Variants in STXBP5L observed in about 807,000 individuals in gnomAD.
STXBP5L encodes syntaxin binding protein 5L.
Under a neutral mutation model 144.5 loss-of-function variants are expected in STXBP5L, and 65 were observed. The observed-to-expected ratio is 0.45, with a 90% CI of 0.37 to 0.55. The LOEUF (loss-of-function observed/expected upper bound fraction) is 0.55, where lower values mean the gene tolerates loss of function less well. Ranked by LOEUF, STXBP5L falls within the 20% of genes least tolerant of loss-of-function variation. STXBP5L has a pLI of 0.00. For synonymous variants in STXBP5L, 505 were observed against 469.6 expected (o/e 1.08, Z -0.97); for missense variants, 1,298 against 1,405.5 (o/e 0.92, Z 1.22).
chr3:121,404,340 C>T (rs1009828818), intron 22 of STXBP5L, among the ~76,000 whole-genome samples: 11 of 152,124 alleles, frequency 7.2e-5, no homozygotes, highest in Non-Finnish European at 1.3e-4. Context: ...TGTACTATTA[C>T]CACACAGTTC....
intron 19 of STXBP5L, among the ~76,000 whole-genome samples, chr3:121,290,800 G>T (rs185871678): frequency 6.6e-6 from 1 of 151,376 alleles, no homozygotes; most frequent in Non-Finnish European, 1.5e-5. Flanking sequence ...ATTTAAAATC[G>T]TATGATCATC....
chr3:121,303,483 A>T (rs951333253), intron 19 of STXBP5L, among the ~76,000 whole-genome samples: 43 of 152,204 alleles, frequency 2.8e-4, no homozygotes, highest in African/African-American at 8.9e-4. Context: ...TTCCTCAGGG[A>T]TCTAGAACTA....
intron 20 of STXBP5L, among the ~76,000 whole-genome samples, chr3:121,324,031 G>A (rs758188299): frequency 6.6e-6 from 1 of 152,048 alleles, no homozygotes; most frequent in Non-Finnish European, 1.5e-5. Flanking sequence ...CTAGCATTAG[G>A]TCCTGACACT....
At chr3:121,006,409 A>T (rs1312599952) in intron 3 of STXBP5L, among the ~76,000 whole-genome samples, 1 of 151,906 alleles carries the variant, frequency 6.6e-6, no homozygotes, top group Admixed American at 6.6e-5. Context: ...TGCTTGGTAG[A>T]TCTTCCTCCA....
chr3:121,257,691 G>A (rs2050253582), intron 17 of STXBP5L, among the ~76,000 whole-genome samples: 1 of 152,202 alleles, frequency 6.6e-6, no homozygotes, highest in Non-Finnish European at 1.5e-5. Context: ...TTGGGAGGCT[G>A]AGGTGGGAGG....
chr3:121,013,132 A>T (rs1005135410), intron 3 of STXBP5L, among the ~76,000 whole-genome samples: 2 of 151,966 alleles, frequency 1.3e-5, no homozygotes, highest in Non-Finnish European at 2.9e-5. Context: ...TGTTCTTGCT[A>T]TTATGAATAG....
intron 2 of STXBP5L, among the ~76,000 whole-genome samples, chr3:120,919,774 C>T (rs1180518857): frequency 6.6e-6 from 1 of 151,870 alleles, no homozygotes; most frequent in Non-Finnish European, 1.5e-5. Context: ...CTTTGCAAGG[C>T]AAGCACACAC....
At chr3:121,050,568 A>G (rs1383498848) in intron 5 of STXBP5L, among the ~76,000 whole-genome samples, 1 of 152,204 alleles carries the variant, frequency 6.6e-6, no homozygotes, top group Non-Finnish European at 1.5e-5. Flanking sequence ...CTGCCCTAAA[A>G]GAGCTCCTGA....
chr3:121,387,210 GA>G (rs1560045035), intron 22 of STXBP5L, among the ~76,000 whole-genome samples: 1 of 152,172 alleles, frequency 6.6e-6, no homozygotes, highest in East Asian at 1.9e-4. Context: ...CTTCTTTTGA[GA>G]AGTGTCTGTT....
At chr3:120,945,807 C>T (rs942066974) in intron 2 of STXBP5L, among the ~76,000 whole-genome samples, 4 of 151,714 alleles carry the variant, frequency 2.6e-5, no homozygotes, top group African/African-American at 9.7e-5. Flanking sequence ...TCAAGAGGAT[C>T]TTATATTAAT....
chr3:121,187,395 C>T (rs1202857574), intron 9 of STXBP5L, among the ~76,000 whole-genome samples: 4 of 87,142 alleles, frequency 4.6e-5, no homozygotes, highest in South Asian at 8.5e-4. Flanking sequence ...ACACTGGGGC[C>T]TGTTGTAGGG....
At chr3:121,308,283 C>A (rs1042940883) in intron 19 of STXBP5L, among the ~76,000 whole-genome samples, 22 of 152,238 alleles carry the variant, frequency 1.4e-4, no homozygotes, top group African/African-American at 5.3e-4. Flanking sequence ...TTTAAAAAAA[C>A]CTCATATCCA....
intron 5 of STXBP5L, among the ~76,000 whole-genome samples, chr3:121,061,248 G>T (rs568631367): frequency 3.3e-5 from 5 of 152,296 alleles, no homozygotes; most frequent in African/African-American, 1.2e-4. Flanking sequence ...TCACTCAGGA[G>T]CATGTTGTTC....
intron 3 of STXBP5L, among the ~76,000 whole-genome samples, chr3:121,009,479 C>T (rs1480760148): frequency 6.6e-6 from 1 of 151,956 alleles, no homozygotes; most frequent in African/African-American, 2.4e-5. Flanking sequence ...GGAGGAATTC[C>T]CTTCACCACT....
chr3:120,964,393 C>A (rs1939288381), intron 3 of STXBP5L, among the ~76,000 whole-genome samples: 1 of 151,934 alleles, frequency 6.6e-6, no homozygotes, highest in Non-Finnish European at 1.5e-5. Flanking sequence ...TCTTTCCTTC[C>A]TTCTCTTGTG....
chr3:121,027,672 T>G lies in STXBP5L; in HGVS notation c.288-14028T>G, dbSNP rs147040574. 1.4e-3 allele frequency among the ~76,000 whole-genome samples: 216 copies of G among 152,182 alleles called. 1 individual carries two copies. Among genetic ancestry groups the G allele is most frequent in the South Asian group, 0.013 (63 of 4,822 alleles). ...TGTTTTTTTCACTTATAAGGACTCT[T>G]GTAGTTACGGTGAGCCCACCTGAAT... On this transcript the variant is annotated intron_variant, in intron 3 of 26. Transcript: ENST00000471454.
intron 20 of STXBP5L, among the ~76,000 whole-genome samples, chr3:121,333,194 G>A (rs1168316808): frequency 9.2e-5 from 14 of 152,066 alleles, no homozygotes; most frequent in Admixed American, 8.5e-4. Flanking sequence ...AAGCATCTAG[G>A]TAGCAATCAA....
At chr3:120,954,533 A>G (rs542653432) in intron 2 of STXBP5L, among the ~76,000 whole-genome samples, 1 of 152,182 alleles carries the variant, frequency 6.6e-6, no homozygotes, top group African/African-American at 2.4e-5. Flanking sequence ...ATTATATCAT[A>G]TCACAGTTTG....
Position 121,174,904 on chromosome 3 carries a change from A to C in STXBP5L, c.877+17277A>C, listed in dbSNP as rs111701408. Among the ~76,000 whole-genome samples, 521 of 152,214 alleles carry C rather than the reference A, an allele frequency of 3.4e-3. 3 individuals carry two copies. Among genetic ancestry groups the C allele is most frequent in the Middle Eastern group, 0.034 (10 of 294 alleles). Reference sequence around the variant, plus strand: ...AGTAACAAAACTGTCAATTTAGGGCACTGGATGAAATTCACTGAGCTGGGG... The same window carrying C: ...AGTAACAAAACTGTCAATTTAGGGCCCTGGATGAAATTCACTGAGCTGGGG... On this transcript the variant is annotated intron_variant, in intron 9 of 26. Coordinates refer to ENST00000471454, the MANE Select transcript of STXBP5L (RefSeq NM_001308330.2).
Sources: allele counts gnomAD v4.1 joint callset (sites outside exome capture counted in the v4.1 genomes callset), GRCh38; gene constraint gnomAD v4.1.1; transcripts MANE v1.5; gene names NCBI Gene and HGNC (gene_info 2026-07-23, HGNC 2026-07-21).